Variants in CUL5 observed in about 807,000 individuals in gnomAD.
CUL5 encodes cullin 5.
In CUL5, 26 loss-of-function variants were observed where a neutral mutation model predicts 108.8. The ratio of observed to expected loss-of-function variants is 0.24; its 90% CI spans 0.18 to 0.33. CUL5 has a LOEUF of 0.33. Ranked by LOEUF, CUL5 falls within the 10% of genes least tolerant of loss-of-function variation. CUL5 has a pLI of 1.00. For missense variants in CUL5, 524 were observed against 909.2 expected, an observed-to-expected ratio of 0.58 and a Z score of 5.45; for synonymous variants, 334 against 298.0, an observed-to-expected ratio of 1.12 and a Z score of -1.25.
At position 108,054,814 on chromosome 11, in the gene CUL5, G is replaced by A. The variant is rs77669929; in HGVS notation, c.699+22G>A. ...ATATGTAAGTTAGAACTTAGTATAT[G>A]TGATAATTTGAGCAATTCCCTTGAT... On this transcript the variant is annotated intron_variant, in intron 6 of 18. Coordinates refer to ENST00000393094, the MANE Select transcript of CUL5 (RefSeq NM_003478.6). The A allele has an allele frequency of 2.7e-4, 440 of 1,603,860 alleles. 5 individuals are homozygous for A. In the East Asian group the frequency reaches 8.7e-3, roughly 32 times the overall value.
intron 2 of CUL5, among the ~76,000 whole-genome samples, chr11:108,038,496 T>C (rs555850099): frequency 1.3e-5 from 2 of 152,154 alleles, no homozygotes; most frequent in East Asian, 3.9e-4. Context: ...GAGACCAGCC[T>C]GGCCAACATG....
intron 10 of CUL5, among the ~76,000 whole-genome samples, chr11:108,074,876 A>T (rs117267052): frequency 2.0e-5 from 3 of 152,270 alleles, no homozygotes; most frequent in Non-Finnish European, 4.4e-5. Context: ...GAGTATAGAC[A>T]TGGTGGGCGT....
At chr11:108,079,270 A>AT (rs914462504) in intron 11 of CUL5, among the ~76,000 whole-genome samples, 5 of 151,898 alleles carry the variant, frequency 3.3e-5, no homozygotes, top group African/African-American at 1.2e-4. Context: ...TGCCTGGCTA[A>AT]TTTTTTTGTA....
intron 10 of CUL5, 55 bp from the exon 11 acceptor site, chr11:108,078,121 T>C: frequency 9.6e-7 from 1 of 1,042,756 alleles, no homozygotes; most frequent in Non-Finnish European, 1.4e-6. Context: ...TGTATAAAAA[T>C]TTATCTGTAT....
intron 7 of CUL5, among the ~76,000 whole-genome samples, chr11:108,063,565 A>G (rs1467375569): frequency 2.7e-5 from 4 of 150,578 alleles, no homozygotes; most frequent in African/African-American, 9.7e-5. Context: ...AAAGTATAAT[A>G]ATAATAAAAT....
Position 108,009,053 on chromosome 11 carries a change from C to G in CUL5, c.-296C>G. On this transcript the variant is annotated 5_prime_UTR_variant, in exon 1 of 19. Coordinates refer to ENST00000393094, the MANE Select transcript of CUL5 (RefSeq NM_003478.6). ...GCTCGTGGAGTCGATGCTTCCTCTT[C>G]CAAGTCAGGTCGGCTCCCGTTACCT... 1 of 485,840 alleles carries G rather than the reference C, an allele frequency of 2.1e-6. No homozygotes were observed. Among genetic ancestry groups the G allele is most frequent in the Non-Finnish European group, 3.7e-6 (1 of 272,084 alleles). 30.1% of individuals were successfully genotyped at this position (485,840 alleles called of 1,614,324 possible). A position where few individuals can be genotyped will look rare whatever the true frequency, so the allele number is the denominator to read the frequency against.
At chr11:108,024,485 ATTAATTCATAC>A in intron 1 of CUL5, among the ~76,000 whole-genome samples, 1 of 152,230 alleles carries the variant, frequency 6.6e-6, no homozygotes, top group Non-Finnish European at 1.5e-5. Context: ...AGTTGTGAAG[ATTAATTCATAC>A]TTGTAAAGTG....
At chr11:108,097,576 T>C (rs1031865648) in intron 16 of CUL5, 60 bp from the exon 17 acceptor site, 11 of 919,020 alleles carry the variant, frequency 1.2e-5, no homozygotes, top group African/African-American at 1.6e-5. Flanking sequence ...TGTGGGAGAA[T>C]TGATCTTAGT....
intron 3 of CUL5, among the ~76,000 whole-genome samples, chr11:108,047,088 C>T (rs1471219030): frequency 6.6e-6 from 1 of 152,096 alleles, no homozygotes; most frequent in Non-Finnish European, 1.5e-5. Context: ...GAGGCTGAGG[C>T]AGGCAAATTG....
intron 2 of CUL5, among the ~76,000 whole-genome samples, chr11:108,035,817 C>T (rs759149574): frequency 1.3e-5 from 2 of 151,974 alleles, no homozygotes; most frequent in Non-Finnish European, 2.9e-5. Context: ...TGGTTCAGCA[C>T]AGCTTGTGTT....
At chr11:108,087,373 C>A (rs991465970) in intron 11 of CUL5, among the ~76,000 whole-genome samples, 2 of 152,068 alleles carry the variant, frequency 1.3e-5, no homozygotes, top group Non-Finnish European at 2.9e-5. Flanking sequence ...ATAGCTCAAT[C>A]CTTGGAAAAC....
At chr11:108,051,825 T>C (rs1863232234) in intron 4 of CUL5, among the ~76,000 whole-genome samples, 1 of 152,216 alleles carries the variant, frequency 6.6e-6, no homozygotes, top group South Asian at 2.1e-4. Context: ...AGAATAAACA[T>C]TTTCCATGTA....
chr11:108,066,352 A>C (rs1863678839), intron 7 of CUL5, among the ~76,000 whole-genome samples: 2 of 152,104 alleles, frequency 1.3e-5, no homozygotes, highest in South Asian at 4.1e-4. Flanking sequence ...TCAAAAAAAA[A>C]ACCAGAGTAT....
At chr11:108,063,594 T>C (rs961845931) in intron 7 of CUL5, among the ~76,000 whole-genome samples, 1 of 149,396 alleles carries the variant, frequency 6.7e-6, no homozygotes, top group East Asian at 1.9e-4. Context: ...AATTTTATAA[T>C]AATAATAAAA....
chr11:108,054,687 T>C lies in CUL5; in HGVS notation c.594T>C (p.Tyr198=). Residue 198 remains tyrosine, a synonymous_variant, in exon 6 of 19, where the codon TAT becomes TAC. Coordinates refer to ENST00000393094, the MANE Select transcript of CUL5 (RefSeq NM_003478.6). ...CSNPEDKLQI[Y]RDNFEKAYLD... Reference sequence around the variant, plus strand: ...ATCCTGAGGATAAACTTCAAATTTATAGGGACAATTTTGAGAAGGCATACT... The same window carrying C: ...ATCCTGAGGATAAACTTCAAATTTACAGGGACAATTTTGAGAAGGCATACT... The C allele has an allele frequency of 6.2e-7, 1 of 1,606,348 alleles. No homozygotes were observed.
At chr11:108,087,087 C>G (rs1187199295) in intron 11 of CUL5, among the ~76,000 whole-genome samples, 1 of 151,840 alleles carries the variant, frequency 6.6e-6, no homozygotes, top group African/African-American at 2.4e-5. Context: ...GCAAATGGCT[C>G]AGGAGGTGTT....
At chr11:108,023,161 A>G (rs1184409814) in intron 1 of CUL5, among the ~76,000 whole-genome samples, 2 of 152,098 alleles carry the variant, frequency 1.3e-5, no homozygotes, top group Non-Finnish European at 2.9e-5. Context: ...GAGAATGAGA[A>G]TCACTTGAAC....
intron 1 of CUL5, among the ~76,000 whole-genome samples, chr11:108,030,232 T>G (rs1163524772): frequency 6.6e-6 from 1 of 152,266 alleles, no homozygotes; most frequent in African/African-American, 2.4e-5. Flanking sequence ...GCGAAGTTAC[T>G]TACGTGATTC....
intron 7 of CUL5, among the ~76,000 whole-genome samples, chr11:108,063,699 A>T (rs926289938): frequency 6.6e-6 from 1 of 151,796 alleles, no homozygotes; most frequent in Non-Finnish European, 1.5e-5. Flanking sequence ...GTGGAAGTGC[A>T]TCTATCTCTT....
Sources: gnomAD v4.1 joint callset for allele counts (sites outside exome capture counted in the v4.1 genomes callset) on GRCh38, gnomAD v4.1.1 for gene constraint, MANE v1.5 for transcripts, NCBI Gene and HGNC (gene_info 2026-07-23, HGNC 2026-07-21) for gene names.